Variants in MICAL2 observed in about 807,000 individuals in gnomAD.
MICAL2 encodes the protein [F-actin]-monooxygenase MICAL2.
Under a neutral mutation model 127.3 loss-of-function variants are expected in MICAL2, and 77 were observed. The observed-to-expected ratio is 0.60, with a 90% CI of 0.50 to 0.73. The LOEUF is 0.73. Among genes scored for constraint, MICAL2 ranks in the 30% least tolerant of loss-of-function variants. The pLI is 0.00. For missense variants in MICAL2, 1,351 were observed against 1,434.4 expected, an observed-to-expected ratio of 0.94 and a Z score of 0.94; for synonymous variants, 570 against 551.1, an observed-to-expected ratio of 1.03 and a Z score of -0.48.
chr11:12,199,682 G>C (rs574159954), intron 3 of MICAL2, among the ~76,000 whole-genome samples: 1 of 152,318 alleles, frequency 6.6e-6, no homozygotes, highest in African/African-American at 2.4e-5. Flanking sequence ...GAAGTCACAC[G>C]TGAGCTGGGG....
chr11:12,341,441 C>T (rs1938862683), intron 32 of MICAL2, among the ~76,000 whole-genome samples: 1 of 140,366 alleles, frequency 7.1e-6, no homozygotes, highest in Admixed American at 7.4e-5. Context: ...TCAGCATTAC[C>T]TACAAAAAAA....
intron 6 of MICAL2, among the ~76,000 whole-genome samples, chr11:12,210,925 C>G (rs559186288): frequency 6.6e-6 from 1 of 152,346 alleles, no homozygotes; most frequent in South Asian, 2.1e-4. Context: ...GGCAGCACCC[C>G]CAGGTGCGAC....
chr11:12,228,715 G>A (rs1857809849), intron 15 of MICAL2, among the ~76,000 whole-genome samples: 1 of 152,336 alleles, frequency 6.6e-6, no homozygotes, highest in South Asian at 2.1e-4. Flanking sequence ...TACGGGATGG[G>A]CCCTGGAGAC....
At chr11:12,256,275 A>C (rs17480838) in intron 23 of MICAL2, 12,366 of 159,712 alleles carry the variant, frequency 0.077, 517 homozygotes, top group South Asian at 0.14. Flanking sequence ...TGCCCTCCCA[A>C]TTCACAACTA....
At chr11:12,207,223 A>G (rs933150044) in intron 4 of MICAL2, among the ~76,000 whole-genome samples, 14 of 151,708 alleles carry the variant, frequency 9.2e-5, no homozygotes, top group Admixed American at 8.5e-4. Flanking sequence ...CCCAACCACC[A>G]TGTCTTGCCC....
At chr11:12,198,623 C>T (rs577483565) in intron 3 of MICAL2, among the ~76,000 whole-genome samples, 3 of 152,304 alleles carry the variant, frequency 2.0e-5, no homozygotes, top group East Asian at 1.9e-4. Context: ...TATGGTGGCA[C>T]GTCCCTGGCA....
chr11:12,146,267 C>A lies in MICAL2; in HGVS notation c.-78+7807C>A, dbSNP rs372638219. Among the ~76,000 whole-genome samples the A allele has an allele frequency of 4.3e-4, 65 of 152,272 alleles. 1 individual carries two copies. The East Asian group carries it at 0.011, about 26-fold the overall frequency. On this transcript the variant is annotated intron_variant, in intron 2 of 27. Coordinates refer to ENST00000683283, the MANE Select transcript of MICAL2 (RefSeq NM_001282663.2). ...GCACAGCAAAAGAAACTACCATCAG[C>A]GTGAATAGGCAACCTACAGAATGGG... is the stretch of plus-strand genomic sequence containing the variant.
chr11:12,147,513 T>C (rs1193244563), intron 2 of MICAL2, among the ~76,000 whole-genome samples: 4 of 152,214 alleles, frequency 2.6e-5, no homozygotes, highest in Admixed American at 2.0e-4. Flanking sequence ...CTGGGGTGAA[T>C]ACTCTGGGAA....
chr11:12,206,303 G>T lies in MICAL2; in HGVS notation c.473-1720G>T, dbSNP rs1479036442. 3.3e-5 allele frequency among the ~76,000 whole-genome samples: 5 copies of T among 152,136 alleles called. No homozygotes were observed. The East Asian group carries it at 9.6e-4, about 29-fold the overall frequency. ...AGCCCTTCTCTGCCCTCATTGATGG[G>T]GCTTTCATTGAACCCCTAGTCCTTG... On this transcript the variant is annotated intron_variant, in intron 4 of 27. Coordinates refer to ENST00000683283, the MANE Select transcript of MICAL2 (RefSeq NM_001282663.2).
intron 2 of MICAL2, among the ~76,000 whole-genome samples, chr11:12,156,724 G>C (rs1286648226): frequency 1.3e-5 from 2 of 152,216 alleles, no homozygotes; most frequent in African/African-American, 2.4e-5. Context: ...CCCATGGTGG[G>C]CTCTGTGGGG....
In MICAL2 at chr11:12,260,355, G is replaced by T. The variant is rs940157868; in HGVS notation, c.3334+458G>T. The T allele has an allele frequency of 1.5e-5, 21 of 1,378,250 alleles. 1 individual carries two copies. The African/African-American group carries it at 2.9e-4, about 19-fold the overall frequency. The allele number at this position is 1,378,250 out of a possible 1,614,324, so 85.4% of individuals were successfully genotyped here. A position where few individuals can be genotyped will look rare whatever the true frequency, so the allele number is the denominator to read the frequency against. The stretch of plus-strand genomic sequence containing the variant: ...ATCAGGGTGAACATCTACTCACGGT[G>T]CTAGGGCCAGGGATGATATGAAGGA... On this transcript the variant is annotated intron_variant, in intron 26 of 27. Transcript: ENST00000683283.
chr11:12,260,156 CAG>C, intron 26 of MICAL2: 1 of 1,521,912 alleles, frequency 6.6e-7, no homozygotes, highest in Non-Finnish European at 8.8e-7. Context: ...AGGTGCTTCC[CAG>C]TCAAGCTCCG....
At chr11:12,348,901 A>G (rs922085727) in intron 32 of MICAL2, among the ~76,000 whole-genome samples, 1 of 152,186 alleles carries the variant, frequency 6.6e-6, no homozygotes, top group Non-Finnish European at 1.5e-5. Context: ...ACTACAAAAT[A>G]AACAGCAGCT....
At chr11:12,360,117 TTTA>T (rs1565315799), downstream of MICAL2, among the ~76,000 whole-genome samples, 1 of 21,016 alleles carries the variant, frequency 4.8e-5, no homozygotes, top group African/African-American at 5.4e-5. Flanking sequence ...CCTTTTTTTT[TTTA>T]AAAAAAAAAT....
At chr11:12,354,533 G>A (rs1939101781) in intron 33 of MICAL2, among the ~76,000 whole-genome samples, 1 of 151,970 alleles carries the variant, frequency 6.6e-6, no homozygotes, top group African/African-American at 2.4e-5. Context: ...AGCTACTTGG[G>A]AGGCTGAGGC....
chr11:12,238,393 G>A (rs570665701), intron 16 of MICAL2, among the ~76,000 whole-genome samples: 5 of 152,298 alleles, frequency 3.3e-5, no homozygotes, highest in South Asian at 4.1e-4. Context: ...TAGCATAACC[G>A]AATGATCAAG....
At chr11:12,122,407 A>G (rs1335855712) in intron 1 of MICAL2, among the ~76,000 whole-genome samples, 3 of 151,988 alleles carry the variant, frequency 2.0e-5, no homozygotes, top group Admixed American at 1.3e-4. Flanking sequence ...TTTTACCTTT[A>G]ATAACTTTTA....
chr11:12,328,104 G>A (rs148902216), intron 32 of MICAL2, among the ~76,000 whole-genome samples: 10 of 152,274 alleles, frequency 6.6e-5, no homozygotes, highest in South Asian at 2.1e-4. Context: ...AGCAATAAGT[G>A]GTAACTTTTC....
At position 12,242,276 on chromosome 11, in the gene MICAL2, T is replaced by C. The variant is rs760405387; in HGVS notation, c.2400T>C (p.Ser800=). The change falls in exon 19 of 28, where the codon AGT becomes AGC. Residue 800 remains serine (S), a synonymous_variant. Transcript: ENST00000683283. ...LRELKQVSAG[S]ECLSRPWRAR... The stretch of plus-strand genomic sequence containing the variant: ...AGCTCAAGCAAGTGTCTGCTGGCAG[T>C]GAGTGCCTGAGCAGACCTTGGAGAG... 6.2e-7 allele frequency: 1 copy of C among 1,613,898 alleles called. No individual in the cohort carries two copies. The highest frequency in any genetic ancestry group is 8.5e-7 in the Non-Finnish European group (1 of 1,179,856).
Sources: allele counts gnomAD v4.1 joint callset (sites outside exome capture counted in the v4.1 genomes callset), GRCh38; gene constraint gnomAD v4.1.1; transcripts MANE v1.5; gene names NCBI Gene and HGNC (gene_info 2026-07-23, HGNC 2026-07-21).